ZMAT3: variants seen among roughly 807,000 people sequenced by gnomAD.
ZMAT3 encodes the protein zinc finger matrin-type protein 3.
ZMAT3 carries 17 observed loss-of-function variants against 32.3 expected under a neutral mutation model. That is an observed-to-expected ratio of 0.53 (90% confidence interval 0.36 to 0.79). ZMAT3 has a LOEUF of 0.79. Among genes scored for constraint, ZMAT3 ranks in the 30% least tolerant of loss-of-function variants. ZMAT3 has a pLI of 0.00. For synonymous variants in ZMAT3, 120 were observed against 133.1 expected, an observed-to-expected ratio of 0.90 and a Z score of 0.68; for missense variants, 329 against 359.7, an observed-to-expected ratio of 0.91 and a Z score of 0.69.
intron 2 of ZMAT3, among the ~76,000 whole-genome samples, chr3:179,055,875 G>A (rs1028278613): frequency 1.3e-5 from 2 of 152,272 alleles, no homozygotes; most frequent in South Asian, 4.1e-4. Context: ...TCAACAATAG[G>A]ATGACAACAG....
At chr3:179,033,625 GCCACAGATAAATATGAATTT>G (rs2108546251) in intron 2 of ZMAT3, among the ~76,000 whole-genome samples, 1 of 151,370 alleles carries the variant, frequency 6.6e-6, no homozygotes, top group African/African-American at 2.4e-5. Flanking sequence ...CCATTTATAT[GCCACAGATAAATATGAATTT>G]CATGACACTC....
intron 3 of ZMAT3, 121 bp from the exon 4 acceptor site, chr3:179,027,933 A>G (rs1234065417): frequency 2.2e-6 from 2 of 927,072 alleles, no homozygotes; most frequent in East Asian, 2.7e-5. Context: ...CACAAGCATT[A>G]AGCTTCATCA....
intron 3 of ZMAT3, among the ~76,000 whole-genome samples, chr3:179,028,192 T>A (rs896472125): frequency 6.6e-6 from 1 of 152,228 alleles, no homozygotes; most frequent in Non-Finnish European, 1.5e-5. Context: ...GACTGTTAAC[T>A]CTTTATCAGG....
intron 2 of ZMAT3, among the ~76,000 whole-genome samples, chr3:179,055,803 T>C (rs1228474423): frequency 6.6e-6 from 1 of 152,130 alleles, no homozygotes; most frequent in African/African-American, 2.4e-5. Flanking sequence ...TAACCCCAAA[T>C]GAGAGAAGTG....
chr3:179,024,881 AT>A lies in ZMAT3; in HGVS notation c.*135del. The A allele has an allele frequency of 1.4e-6, 1 of 731,328 alleles. No homozygotes were observed. The highest frequency in any genetic ancestry group is 2.2e-6 in the Non-Finnish European group (1 of 460,124). The allele number at this position is 731,328 out of a possible 1,614,324, so 45.3% of individuals were successfully genotyped here. On this transcript the variant is annotated 3_prime_UTR_variant, in exon 6 of 6. Transcript: ENST00000311417. Reference sequence around the variant, plus strand: ...CCGGGCCCCCAGGTTTTGACATCTCATGGTACCACTGTGGGTTACATGTATT... The same window carrying A: ...CCGGGCCCCCAGGTTTTGACATCTCAGGTACCACTGTGGGTTACATGTATT...
rs1361647696 is a variant in ZMAT3 at position 179,022,805 on chromosome 3, C to T, written c.*2212G>A. 6.6e-6 allele frequency: 1 copy of T among 152,038 alleles called. No homozygotes were observed. Among genetic ancestry groups the T allele is most frequent in the Non-Finnish European group, 1.5e-5 (1 of 67,974 alleles). The allele number at this position is 152,038 out of a possible 1,614,324, so 9.4% of individuals were successfully genotyped here. A position where few individuals can be genotyped will look rare whatever the true frequency, so the allele number is the denominator to read the frequency against. On this transcript the variant is annotated 3_prime_UTR_variant, in exon 6 of 6. Coordinates refer to ENST00000311417, the MANE Select transcript of ZMAT3 (RefSeq NM_022470.4). ...GAGAAGACAGTAACTGGATACTATA[C>T]AAGGGTTAATCACACAAAACTCGTT...
chr3:179,042,251 C>T (rs113594685), intron 2 of ZMAT3, among the ~76,000 whole-genome samples: 1 of 152,148 alleles, frequency 6.6e-6, no homozygotes, highest in Non-Finnish European at 1.5e-5. Flanking sequence ...GACACCAAAG[C>T]CTGGAAGAGA....
chr3:179,026,680 C>A (rs939969412), intron 5 of ZMAT3, among the ~76,000 whole-genome samples: 1 of 152,150 alleles, frequency 6.6e-6, no homozygotes, highest in Non-Finnish European at 1.5e-5. Flanking sequence ...GCCACAGGAG[C>A]CTGGCCTGAA....
intron 2 of ZMAT3, among the ~76,000 whole-genome samples, chr3:179,041,875 G>C (rs1719952492): frequency 6.6e-6 from 1 of 151,754 alleles, no homozygotes. Context: ...GAATCAAATA[G>C]ATGCAATAAA....
intron 5 of ZMAT3, among the ~76,000 whole-genome samples, chr3:179,025,983 A>AT (rs1431015293): frequency 6.6e-6 from 1 of 152,194 alleles, no homozygotes; most frequent in African/African-American, 2.4e-5. Context: ...CACTATAATA[A>AT]TATATAGGTA....
rs1172749112 is a variant in ZMAT3, at chr3:179,046,530, C to CCA, written c.271-15533_271-15532dup. ...CAGGCCCTTTGAAGGAGGCGGATTG[C>CCA]CACTGCAGACTCCGTGGGACAGCTG... On this transcript the variant is annotated intron_variant, in intron 2 of 5. Coordinates refer to ENST00000311417, the MANE Select transcript of ZMAT3 (RefSeq NM_022470.4). This position sits in a 1 kb window ranked among gnomAD's most constrained non-coding sequence, Gnocchi z 4.3. Among the ~76,000 whole-genome samples, 3 of 152,164 alleles carry CCA rather than the reference C, an allele frequency of 2.0e-5. No individual in the cohort carries two copies. The highest frequency in any genetic ancestry group is 6.5e-5 in the Admixed American group (1 of 15,278).
chr3:179,042,967 T>A (rs1720034615), intron 2 of ZMAT3, among the ~76,000 whole-genome samples: 1 of 152,084 alleles, frequency 6.6e-6, no homozygotes, highest in East Asian at 1.9e-4. Flanking sequence ...TGAACTCCCA[T>A]TCACAATTGC....
intron 2 of ZMAT3, among the ~76,000 whole-genome samples, chr3:179,051,763 C>T (rs1171850767): frequency 6.6e-6 from 1 of 152,168 alleles, no homozygotes; most frequent in East Asian, 1.9e-4. Context: ...TCTTACATTA[C>T]CTGACTTCAA....
At chr3:179,028,953 A>C (rs953139417) in intron 3 of ZMAT3, among the ~76,000 whole-genome samples, 3 of 152,142 alleles carry the variant, frequency 2.0e-5, no homozygotes, top group Non-Finnish European at 4.4e-5. Flanking sequence ...TGAGGTCAGG[A>C]GTTCAAGACC....
intron 5 of ZMAT3, among the ~76,000 whole-genome samples, 176 bp from the exon 6 acceptor site, chr3:179,025,404 T>A (rs1268220066): frequency 1.3e-5 from 2 of 152,234 alleles, no homozygotes; most frequent in Non-Finnish European, 2.9e-5. Context: ...ACAGGTTCGA[T>A]CTAAAAAGAT....
intron 2 of ZMAT3, among the ~76,000 whole-genome samples, chr3:179,033,012 C>T (rs1467340346): frequency 6.6e-6 from 1 of 152,210 alleles, no homozygotes; most frequent in Non-Finnish European, 1.5e-5. Flanking sequence ...TGAGAACGGG[C>T]CACGATGACG....
chr3:179,038,045 G>A (rs1317392786), intron 2 of ZMAT3, among the ~76,000 whole-genome samples: 4 of 152,192 alleles, frequency 2.6e-5, no homozygotes, highest in South Asian at 2.1e-4. Context: ...CAGGGAGAGA[G>A]TGGGGTGGGC....
Position 179,021,432 on chromosome 3 carries a change from G to C in ZMAT3, c.*3585C>G, listed in dbSNP as rs1718535493. On this transcript the variant is annotated 3_prime_UTR_variant, in exon 6 of 6. Coordinates refer to ENST00000311417, the MANE Select transcript of ZMAT3 (RefSeq NM_022470.4). ...TCAATACCTAAGAAGAATTCTAATT[G>C]TCATCTTCTAACGTTGATTTTTTAT... is the stretch of plus-strand genomic sequence containing the variant. The C allele has an allele frequency of 6.6e-6, 1 of 152,080 alleles. No homozygotes were observed. The highest frequency in any genetic ancestry group is 2.4e-5 in the African/African-American group (1 of 41,420). 9.4% of individuals were successfully genotyped at this position (152,080 alleles called of 1,614,324 possible). A position where few individuals can be genotyped will look rare whatever the true frequency, so the allele number is the denominator to read the frequency against.
intron 2 of ZMAT3, among the ~76,000 whole-genome samples, chr3:179,053,267 T>C (rs1217460861): frequency 1.3e-5 from 2 of 150,438 alleles, no homozygotes; most frequent in African/African-American, 2.4e-5. Flanking sequence ...ATATTCTATA[T>C]AGAGATAATT....
Sources: gnomAD v4.1 joint callset for allele counts (sites outside exome capture counted in the v4.1 genomes callset) on GRCh38, gnomAD v4.1.1 for gene constraint, Gnocchi (gnomAD v3.1) non-coding constraint, MANE v1.5 for transcripts, NCBI Gene and HGNC (gene_info 2026-07-23, HGNC 2026-07-21) for gene names.